SYT1: variants seen among roughly 807,000 people sequenced by gnomAD.
SYT1 encodes synaptotagmin-1.
A neutral mutation model predicts 44.8 loss-of-function variants in SYT1; 8 were observed. That is an observed-to-expected ratio of 0.18 (90% CI 0.10 to 0.32). The LOEUF is 0.32. Ranked by LOEUF, SYT1 falls within the 10% of genes least tolerant of loss-of-function variation. The probability of loss-of-function intolerance (pLI) is 1.00; values close to 1 mark genes in which losing one functional copy is unlikely to be tolerated. For missense variants in SYT1, 286 were observed against 509.3 expected (o/e 0.56, Z 4.22); for synonymous variants, 154 against 188.8 (o/e 0.82, Z 1.51).
At chr12:79,126,515 T>A (rs1334029310) in intron 3 of SYT1, among the ~76,000 whole-genome samples, 3 of 152,134 alleles carry the variant, frequency 2.0e-5, no homozygotes, top group Non-Finnish European at 4.4e-5. Context: ...CACCTCAGCC[T>A]CCCAAAGTGC....
At chr12:79,257,532 C>T (rs1032368013) in intron 4 of SYT1, among the ~76,000 whole-genome samples, 1 of 152,142 alleles carries the variant, frequency 6.6e-6, no homozygotes, top group African/African-American at 2.4e-5. Flanking sequence ...CCAGGCCGGA[C>T]TGCGGACTGC....
chr12:78,866,684 C>T (rs1873562346), intron 1 of SYT1, among the ~76,000 whole-genome samples: 1 of 152,096 alleles, frequency 6.6e-6, no homozygotes, highest in African/African-American at 2.4e-5. Flanking sequence ...GAAAGCATTC[C>T]AAGTGGGTCT....
Position 79,376,102 on chromosome 12 carries a change from C to T in SYT1, c.928+22483C>T, listed in dbSNP as rs150107014. 3.8e-3 allele frequency among the ~76,000 whole-genome samples: 573 copies of T among 152,256 alleles called. 4 individuals carry two copies. The highest frequency in any genetic ancestry group is 0.019 in the South Asian group (91 of 4,824). On this transcript the variant is annotated intron_variant, in intron 9 of 10. Transcript: ENST00000261205. ...ATGGCTTTTCCTTCTTCCACTGAGACGCACTTCCTCCAAGAAACTTTCTTA... is the reference window on the plus strand; with the variant it reads ...ATGGCTTTTCCTTCTTCCACTGAGATGCACTTCCTCCAAGAAACTTTCTTA...
rs112315690 is a variant in SYT1 at position 79,093,276 on chromosome 12, G to A, written c.-18+45914G>A. Among the ~76,000 whole-genome samples the A allele has an allele frequency of 5.8e-3, 879 of 151,694 alleles. 11 individuals carry two copies. Among genetic ancestry groups the A allele is most frequent in the African/African-American group, 0.018 (731 of 41,496 alleles). ...GAAGGTTGTTAAAAAATAAAGGTTC[G>A]AAGCATTCGATCAAAAATAAGATCA... On this transcript the variant is annotated intron_variant, in intron 3 of 10. Coordinates refer to ENST00000261205, the MANE Select transcript of SYT1 (RefSeq NM_005639.3).
chr12:79,424,859 G>GTT (rs1869342100), intron 9 of SYT1, among the ~76,000 whole-genome samples: 1 of 145,124 alleles, frequency 6.9e-6, no homozygotes, highest in African/African-American at 2.6e-5. Flanking sequence ...TTTTAAATTT[G>GTT]TTATCCATTA....
intron 3 of SYT1, among the ~76,000 whole-genome samples, chr12:79,162,721 A>C (rs751555809): frequency 2.0e-5 from 3 of 152,136 alleles, no homozygotes; most frequent in Non-Finnish European, 4.4e-5. Flanking sequence ...TGCCGAGGTA[A>C]ATCTTAACTC....
chr12:79,320,262 A>G (rs564024192), intron 8 of SYT1, among the ~76,000 whole-genome samples: 76 of 152,316 alleles, frequency 5.0e-4, no homozygotes, highest in African/African-American at 1.8e-3. Flanking sequence ...CCTGCTTCTC[A>G]TGAAAGAGAG....
chr12:78,904,077 A>T (rs1429771140), intron 1 of SYT1, among the ~76,000 whole-genome samples: 1 of 152,098 alleles, frequency 6.6e-6, no homozygotes, highest in African/African-American at 2.4e-5. Flanking sequence ...AACAGTTATT[A>T]GAATCCCCGG....
intron 2 of SYT1, among the ~76,000 whole-genome samples, chr12:78,997,062 C>T (rs1870426959): frequency 6.6e-6 from 1 of 152,208 alleles, no homozygotes; most frequent in South Asian, 2.1e-4. Flanking sequence ...GGAGTATGGT[C>T]TCCAGGTTTC....
At chr12:78,984,108 G>C (rs781474418) in intron 2 of SYT1, among the ~76,000 whole-genome samples, 25 of 151,402 alleles carry the variant, frequency 1.7e-4, no homozygotes, top group Non-Finnish European at 3.0e-4. Flanking sequence ...ATAGCGTCTA[G>C]ATTCAGACCA....
chr12:79,418,660 A>C (rs1868905826), intron 9 of SYT1, among the ~76,000 whole-genome samples: 1 of 152,142 alleles, frequency 6.6e-6, no homozygotes, highest in African/African-American at 2.4e-5. Flanking sequence ...TTGGGCAAGA[A>C]GTCTTAAAGA....
chr12:79,432,056 G>A (rs908905677), intron 9 of SYT1, among the ~76,000 whole-genome samples: 1 of 151,854 alleles, frequency 6.6e-6, no homozygotes. Flanking sequence ...ATATCTCTCT[G>A]GAAGGATAAG....
At chr12:79,220,169 G>T (rs140023761) in intron 4 of SYT1, among the ~76,000 whole-genome samples, 1 of 151,862 alleles carries the variant, frequency 6.6e-6, no homozygotes, top group Non-Finnish European at 1.5e-5. Flanking sequence ...ATCAAGGAAC[G>T]TATCCATGTT....
rs556139153 is a variant in SYT1 at position 79,289,481 on chromosome 12, A to G, written c.352-2527A>G. ...TGATGAACAGTAGCACTGAGAAATT[A>G]TCAAAAATTTAGCCCTATTTCATGC... On this transcript the variant is annotated intron_variant, in intron 5 of 10. Transcript: ENST00000261205. Among the ~76,000 whole-genome samples, 27 of 152,320 alleles carry G rather than the reference A, an allele frequency of 1.8e-4. No individual in the cohort carries two copies. In the East Asian group the frequency reaches 4.6e-3, roughly 26 times the overall value.
intron 4 of SYT1, among the ~76,000 whole-genome samples, chr12:79,246,576 G>A (rs1170882899): frequency 1.3e-5 from 2 of 152,324 alleles, no homozygotes; most frequent in East Asian, 3.9e-4. Flanking sequence ...TTCTAAGATG[G>A]TGCCTTGAAC....
chr12:78,913,933 A>G lies in SYT1; in HGVS notation c.-217+48824A>G, dbSNP rs1876492677. ...ATCTTGGGAAAAATGGGTATGTTGT[A>G]AAGGGCATTGAATTGGGTTTGCCTT... On this transcript the variant is annotated intron_variant, in intron 1 of 10. Coordinates refer to ENST00000261205, the MANE Select transcript of SYT1 (RefSeq NM_005639.3). Among the ~76,000 whole-genome samples the G allele has an allele frequency of 4.0e-5, 6 of 151,802 alleles. No individual in the cohort carries two copies. In the South Asian group the frequency reaches 1.2e-3, roughly 31 times the overall value.
intron 1 of SYT1, among the ~76,000 whole-genome samples, chr12:78,884,973 C>T (rs1874652102): frequency 6.6e-6 from 1 of 151,812 alleles, no homozygotes; most frequent in African/African-American, 2.4e-5. Flanking sequence ...TTCAAAACCT[C>T]TGTGAACTAT....
At chr12:79,015,678 G>C (rs938373689) in intron 2 of SYT1, among the ~76,000 whole-genome samples, 1 of 152,072 alleles carries the variant, frequency 6.6e-6, no homozygotes, top group African/African-American at 2.4e-5. Context: ...AAAATACCTA[G>C]TTGTCAAAAC....
At chr12:79,187,645 G>T (rs146910925) in intron 3 of SYT1, among the ~76,000 whole-genome samples, 1 of 152,164 alleles carries the variant, frequency 6.6e-6, no homozygotes, top group East Asian at 1.9e-4. Context: ...AGCAGACGAG[G>T]CTTCATAAAA....
Sources: allele counts gnomAD v4.1 joint callset (sites outside exome capture counted in the v4.1 genomes callset), GRCh38; gene constraint gnomAD v4.1.1; transcripts MANE v1.5; gene names NCBI Gene and HGNC (gene_info 2026-07-23, HGNC 2026-07-21).